ABCC4: variants seen among roughly 807,000 people sequenced by gnomAD.
ABCC4 encodes ATP-binding cassette sub-family C member 4.
In ABCC4, 102 loss-of-function variants were observed where a neutral mutation model predicts 168.5. The ratio of observed to expected loss-of-function variants is 0.61; its 90% CI spans 0.52 to 0.71. The LOEUF is 0.71. Among genes scored for constraint, ABCC4 ranks in the 30% least tolerant of loss-of-function variants. The pLI is 0.00. For missense variants in ABCC4, 1,402 were observed against 1,605.8 expected (o/e 0.87, Z 2.17); for synonymous variants, 617 against 590.7 (o/e 1.04, Z -0.65).
rs750130844 is a variant in ABCC4 at position 95,161,930 on chromosome 13, T to C, written c.2309-595A>G. The C allele has an allele frequency of 3.3e-5, 5 of 152,254 alleles. No homozygotes were observed. In the East Asian group the frequency reaches 5.8e-4, roughly 18 times the overall value. 9.4% of individuals were successfully genotyped at this position (152,254 alleles called of 1,614,324 possible). A position where few individuals can be genotyped will look rare whatever the true frequency, so the allele number is the denominator to read the frequency against. ...GCAACTAATCCCCCACTGTTTTACA[T>C]AGACACAAGACATTTTTAAATGAAT... On this transcript the variant is annotated intron_variant, in intron 18 of 30. Coordinates refer to ENST00000645237, the MANE Select transcript of ABCC4 (RefSeq NM_005845.5).
At chr13:95,125,373 T>A (rs1317082360) in intron 19 of ABCC4, among the ~76,000 whole-genome samples, 1 of 152,228 alleles carries the variant, frequency 6.6e-6, no homozygotes, top group Non-Finnish European at 1.5e-5. Flanking sequence ...TACTGCCTGC[T>A]GTACTGGATG....
intron 3 of ABCC4, among the ~76,000 whole-genome samples, chr13:95,240,218 C>T (rs2039895771): frequency 6.6e-6 from 1 of 152,210 alleles, no homozygotes; most frequent in South Asian, 2.1e-4. Flanking sequence ...GGAATCCGTG[C>T]AGGGCAAACA....
chr13:95,172,086 T>C (rs77986298), intron 13 of ABCC4, among the ~76,000 whole-genome samples: 161 of 152,350 alleles, frequency 1.1e-3, no homozygotes, highest in Non-Finnish European at 1.8e-3. Context: ...ACATCTTCCA[T>C]TGTAGATGAG....
At chr13:95,213,334 C>T (rs2039016355) in intron 4 of ABCC4, among the ~76,000 whole-genome samples, 2 of 152,182 alleles carry the variant, frequency 1.3e-5, no homozygotes, top group Admixed American at 6.5e-5. Context: ...ACTGACCTGG[C>T]TTTATGCCTG....
chr13:95,095,051 G>A (rs994167452), intron 20 of ABCC4, among the ~76,000 whole-genome samples: 2 of 152,204 alleles, frequency 1.3e-5, no homozygotes, highest in African/African-American at 4.8e-5. Context: ...TGGTGGGAAT[G>A]TAAACTAGTA....
chr13:95,252,770 A>G (rs2040299157), intron 1 of ABCC4, among the ~76,000 whole-genome samples: 1 of 152,244 alleles, frequency 6.6e-6, no homozygotes, highest in South Asian at 2.1e-4. Flanking sequence ...CACTGAGGTG[A>G]GGGTCTTCAA....
At position 95,215,316 on chromosome 13, in the gene ABCC4, G is replaced by A. The variant is rs549086933; in HGVS notation, c.532-4535C>T. Among the ~76,000 whole-genome samples, 9 of 151,788 alleles carry A rather than the reference G, an allele frequency of 5.9e-5. No individual in the cohort carries two copies. The East Asian group carries it at 7.8e-4, about 13-fold the overall frequency. On this transcript the variant is annotated intron_variant, in intron 4 of 30. Coordinates refer to ENST00000645237, the MANE Select transcript of ABCC4 (RefSeq NM_005845.5). Reference sequence around the variant, plus strand: ...ACTCGGGGGCTGACGTGGGAGAATCGCTTGAACCCACGAGGCGGAGGTTGC... The same window carrying A: ...ACTCGGGGGCTGACGTGGGAGAATCACTTGAACCCACGAGGCGGAGGTTGC...
At chr13:95,261,885 C>T (rs1380718997) in intron 1 of ABCC4, among the ~76,000 whole-genome samples, 1 of 151,876 alleles carries the variant, frequency 6.6e-6, no homozygotes, top group Non-Finnish European at 1.5e-5. Context: ...ATCTCTTGAG[C>T]CCAAATGTTC....
chr13:95,159,256 T>A (rs1334528338), intron 19 of ABCC4, among the ~76,000 whole-genome samples: 1 of 151,194 alleles, frequency 6.6e-6, no homozygotes, highest in Non-Finnish European at 1.5e-5. Flanking sequence ...ATTCTACCAT[T>A]AAAAAACTTT....
intron 30 of ABCC4, among the ~76,000 whole-genome samples, chr13:95,025,195 CACACACCCCCACA>C (rs2031359618): frequency 1.0e-5 from 1 of 99,160 alleles, no homozygotes; most frequent in African/African-American, 6.0e-5. Context: ...ACACCCACAC[CACACACCCCCACA>C]CCCCCCACAC....
At chr13:95,279,235 C>G (rs186267741) in intron 1 of ABCC4, among the ~76,000 whole-genome samples, 2 of 152,336 alleles carry the variant, frequency 1.3e-5, no homozygotes, top group East Asian at 3.9e-4. Context: ...CTAAAATGCA[C>G]ACTGGAGTAT....
At chr13:95,074,009 A>G (rs2033815201) in intron 23 of ABCC4, among the ~76,000 whole-genome samples, 1 of 152,214 alleles carries the variant, frequency 6.6e-6, no homozygotes, top group Admixed American at 6.5e-5. Context: ...ATTCAAAGAA[A>G]GATAAACCCA....
chr13:95,110,753 G>A (rs746197401), intron 20 of ABCC4, among the ~76,000 whole-genome samples: 4 of 151,786 alleles, frequency 2.6e-5, no homozygotes, highest in Non-Finnish European at 5.9e-5. Context: ...GGATCACTTG[G>A]GGTCAGAAAT....
chr13:95,225,957 C>T (rs1375925802), intron 4 of ABCC4, among the ~76,000 whole-genome samples: 5 of 113,120 alleles, frequency 4.4e-5, no homozygotes, highest in Middle Eastern at 4.0e-3. Context: ...TACTGAGACT[C>T]CATCTCCACT....
chr13:95,127,798 T>C (rs1188333644), intron 19 of ABCC4, among the ~76,000 whole-genome samples: 1 of 152,168 alleles, frequency 6.6e-6, no homozygotes, highest in African/African-American at 2.4e-5. Context: ...TACTGTGCCA[T>C]GCATCCTGCT....
At chr13:95,147,819 C>G (rs2036548800) in intron 19 of ABCC4, among the ~76,000 whole-genome samples, 1 of 152,192 alleles carries the variant, frequency 6.6e-6, no homozygotes, top group South Asian at 2.1e-4. Context: ...TCAACTTCAG[C>G]TGTATCGTTT....
At chr13:95,170,060 G>C (rs1019047034) in intron 14 of ABCC4, among the ~76,000 whole-genome samples, 1 of 152,136 alleles carries the variant, frequency 6.6e-6, no homozygotes, top group African/African-American at 2.4e-5. Flanking sequence ...GTTTCACCGT[G>C]TTAGACAGGC....
chr13:95,077,131 G>C (rs2033932990), intron 21 of ABCC4, among the ~76,000 whole-genome samples: 1 of 152,216 alleles, frequency 6.6e-6, no homozygotes, highest in African/African-American at 2.4e-5. Context: ...ATTCCTGAGA[G>C]TTTCAATTGT....
intron 19 of ABCC4, among the ~76,000 whole-genome samples, chr13:95,157,038 G>C (rs2036884110): frequency 6.6e-6 from 1 of 151,606 alleles, no homozygotes; most frequent in Non-Finnish European, 1.5e-5. Flanking sequence ...GTTGCTGTGA[G>C]CTGAGATCAC....
Sources: allele counts gnomAD v4.1 joint callset (sites outside exome capture counted in the v4.1 genomes callset), GRCh38; gene constraint gnomAD v4.1.1; transcripts MANE v1.5; gene names NCBI Gene and HGNC (gene_info 2026-07-23, HGNC 2026-07-21).